Variants in NEO1 observed in about 807,000 individuals in gnomAD.
NEO1 encodes the protein neogenin.
A neutral mutation model predicts 159.7 loss-of-function variants in NEO1; 63 were observed. The observed-to-expected ratio is 0.39, with a 90% CI of 0.32 to 0.49. The LOEUF (loss-of-function observed/expected upper bound fraction) is 0.49, where lower values mean the gene tolerates loss of function less well. Among genes scored for constraint, NEO1 ranks in the 20% least tolerant of loss-of-function variants. The probability of loss-of-function intolerance (pLI) is 0.85; values close to 1 mark genes in which losing one functional copy is unlikely to be tolerated. For synonymous variants in NEO1, 633 were observed against 662.0 expected, an observed-to-expected ratio of 0.96 and a Z score of 0.67; for missense variants, 1,615 against 1,831.0, an observed-to-expected ratio of 0.88 and a Z score of 2.15.
At chr15:73,117,862 TC>T (rs2071412749) in intron 2 of NEO1, among the ~76,000 whole-genome samples, 1 of 151,834 alleles carries the variant, frequency 6.6e-6, no homozygotes, top group Admixed American at 6.6e-5. Context: ...TTTCTTTCCT[TC>T]CTTCTCTCCC....
At chr15:73,212,421 T>A (rs2037633090) in intron 7 of NEO1, among the ~76,000 whole-genome samples, 1 of 152,234 alleles carries the variant, frequency 6.6e-6, no homozygotes, top group Admixed American at 6.5e-5. Flanking sequence ...TATTATAGAT[T>A]AGGATTACAA....
rs1233077032 is a variant in NEO1, at chr15:73,301,443, G to C, written c.4288G>C (p.Glu1430Gln). The change falls in exon 28 of 29, where the codon GAA becomes CAA. Residue 1430 changes from glutamate (E) to glutamine (Q), a missense_variant. Physicochemically the swap from Glu to Gln is conservative, Grantham distance 29 (BLOSUM62 2). Coordinates refer to ENST00000261908, the MANE Select transcript of NEO1 (RefSeq NM_002499.4). ...AGTGCAGGAGACCACAAGGATGTTG[G>C]AAGACTCCGAGAGTGTAAGTTCGTG... ...PEVQETTRML[E>Q]DSESSYEPDE... 1 of 1,614,176 alleles carries C rather than the reference G, an allele frequency of 6.2e-7. No homozygotes were observed.
rs575613040 is a variant in NEO1, at chr15:73,238,010, C to G, written c.1451+1504C>G. 2.1e-3 allele frequency among the ~76,000 whole-genome samples: 321 copies of G among 152,278 alleles called. 1 individual carries two copies. The highest frequency in any genetic ancestry group is 7.4e-3 in the African/African-American group (306 of 41,528). ...GGCCTTCCCTGAATACCAACCCAAA[C>G]TTAGCCCCTCGGTGACTGTCACACA... is the stretch of plus-strand genomic sequence containing the variant. On this transcript the variant is annotated intron_variant, in intron 8 of 28. Transcript: ENST00000261908.
chr15:73,076,038 A>G lies in NEO1; in HGVS notation c.130+23233A>G, dbSNP rs77878334. Among the ~76,000 whole-genome samples the G allele has an allele frequency of 0.018, 2,705 of 152,204 alleles. 160 individuals carry two copies. The East Asian group carries it at 0.2, about 11-fold the overall frequency. On this transcript the variant is annotated intron_variant, in intron 1 of 28. Transcript: ENST00000261908. ...GTCTCATATTTGCAATAATTTAGGG[A>G]ACAGTTGAGCATGGAAGGAGAGAAT...
chr15:73,087,435 TG>T (rs2069426215), intron 1 of NEO1, among the ~76,000 whole-genome samples: 1 of 152,208 alleles, frequency 6.6e-6, no homozygotes, highest in South Asian at 2.1e-4. Context: ...ATGCCATCTT[TG>T]TTCATGAGGA....
At chr15:73,220,882 T>TA (rs1461967008) in intron 7 of NEO1, among the ~76,000 whole-genome samples, 1 of 152,216 alleles carries the variant, frequency 6.6e-6, no homozygotes, top group African/African-American at 2.4e-5. Context: ...TTTCCTCCTG[T>TA]AGCTTGGAGT....
chr15:73,249,586 G>A lies in NEO1; in HGVS notation c.1759G>A (p.Val587Ile). Reference protein sequence around the residue: ...MEKGTDKEQDVDVSSHSYTIN... With the variant: ...MEKGTDKEQDIDVSSHSYTIN... ...AAAGTGTTTTATTTTATTCAAGGAT[G>A]TTGATGTTTCAAGTCACTCTTACAC... is the stretch of plus-strand genomic sequence containing the variant. Residue 587 changes from valine to isoleucine, a missense_variant, in exon 11 of 29, where the codon GTT becomes ATT. Val to Ile is a conservative substitution (Grantham distance 29). Around this residue, in one of 3 missense-constraint regions of NEO1, gnomAD observed 1,018 missense variants for 1,115.4 expected, o/e 0.91. Transcript: ENST00000261908. 1 of 1,598,690 alleles carries A rather than the reference G, an allele frequency of 6.3e-7. No individual in the cohort carries two copies. Among genetic ancestry groups the A allele is most frequent in the Non-Finnish European group, 8.5e-7 (1 of 1,175,804 alleles).
chr15:73,108,479 A>G, intron 1 of NEO1, among the ~76,000 whole-genome samples: 1 of 152,236 alleles, frequency 6.6e-6, no homozygotes, highest in East Asian at 1.9e-4. Flanking sequence ...GTCATTAAGT[A>G]CCACTAATAC....
intron 7 of NEO1, among the ~76,000 whole-genome samples, chr15:73,182,181 C>T (rs1159682806): frequency 6.6e-6 from 1 of 152,090 alleles, no homozygotes; most frequent in African/African-American, 2.4e-5. Flanking sequence ...AAGACCCACC[C>T]CTATAATTCA....
At chr15:73,210,094 A>G (rs1454502124) in intron 7 of NEO1, among the ~76,000 whole-genome samples, 4 of 152,186 alleles carry the variant, frequency 2.6e-5, no homozygotes, top group South Asian at 2.1e-4. Context: ...TGTGCTTTCA[A>G]TAAGTCTTTC....
chr15:73,232,616 A>C (rs1411979387), intron 7 of NEO1, among the ~76,000 whole-genome samples: 1 of 152,158 alleles, frequency 6.6e-6, no homozygotes, highest in Non-Finnish European at 1.5e-5. Flanking sequence ...GTACATACAC[A>C]TGGCCTTCAG....
chr15:73,112,583 T>A (rs1403532552), intron 1 of NEO1, among the ~76,000 whole-genome samples: 1 of 152,194 alleles, frequency 6.6e-6, no homozygotes, highest in Non-Finnish European at 1.5e-5. Context: ...TTTATAGGCC[T>A]GGAATACATT....
chr15:73,267,364 T>C (rs146917172), intron 16 of NEO1, among the ~76,000 whole-genome samples: 37 of 152,358 alleles, frequency 2.4e-4, no homozygotes, highest in African/African-American at 8.7e-4. Flanking sequence ...GAAAGTTTAT[T>C]GAATATGTTA....
chr15:73,209,880 C>T (rs529424407), intron 7 of NEO1, among the ~76,000 whole-genome samples: 113 of 151,926 alleles, frequency 7.4e-4, no homozygotes, highest in African/African-American at 2.4e-3. Flanking sequence ...GGGTGGCAGG[C>T]GCCTCCCAGC....
chr15:73,200,573 T>G (rs1596326168), intron 7 of NEO1, among the ~76,000 whole-genome samples: 2 of 139,532 alleles, frequency 1.4e-5, no homozygotes, highest in African/African-American at 5.4e-5. Context: ...GGAAAGGGAG[T>G]CTCTAGAGAG....
intron 5 of NEO1, among the ~76,000 whole-genome samples, chr15:73,174,982 T>C (rs2035199961): frequency 6.6e-6 from 1 of 152,168 alleles, no homozygotes; most frequent in Non-Finnish European, 1.5e-5. Context: ...AGGTTCTGCT[T>C]GACTGGGGTT....
At chr15:73,086,163 A>G (rs2069347191) in intron 1 of NEO1, among the ~76,000 whole-genome samples, 1 of 152,148 alleles carries the variant, frequency 6.6e-6, no homozygotes. Context: ...AGTTGTTCCA[A>G]CCTTGTTTGT....
At chr15:73,229,927 G>A (rs892164310) in intron 7 of NEO1, among the ~76,000 whole-genome samples, 7 of 152,056 alleles carry the variant, frequency 4.6e-5, no homozygotes, top group Non-Finnish European at 1.0e-4. Context: ...TACCAAATGT[G>A]GCTTGCTAAC....
intron 7 of NEO1, among the ~76,000 whole-genome samples, chr15:73,201,642 A>G (rs555666645): frequency 1.3e-5 from 2 of 152,134 alleles, no homozygotes; most frequent in Non-Finnish European, 2.9e-5. Flanking sequence ...TGATTTATCA[A>G]TTACTGACAG....
Sources: allele counts gnomAD v4.1 joint callset (sites outside exome capture counted in the v4.1 genomes callset), GRCh38; gene constraint gnomAD v4.1.1; regional missense constraint gnomAD v4.1.1; transcripts MANE v1.5; gene names NCBI Gene and HGNC (gene_info 2026-07-23, HGNC 2026-07-21).